Variants in MARK1 observed in about 807,000 individuals in gnomAD.
MARK1 encodes the protein serine/threonine-protein kinase MARK1.
Under a neutral mutation model 96.3 loss-of-function variants are expected in MARK1, and 40 were observed. The ratio of observed to expected loss-of-function variants is 0.42; its 90% CI spans 0.32 to 0.54. The LOEUF (loss-of-function observed/expected upper bound fraction) is 0.54. MARK1 is among the 20% of genes least tolerant of loss of function. The pLI is 0.16. For missense variants in MARK1, 719 were observed against 984.6 expected (o/e 0.73, Z 3.61); for synonymous variants, 317 against 341.2 (o/e 0.93, Z 0.78).
chr1:220,579,306 TTATAA>T, intron 1 of MARK1, 43 bp from the exon 2 acceptor site: 1 of 1,297,012 alleles, frequency 7.7e-7, no homozygotes, highest in South Asian at 1.3e-5. Context: ...ACTTGTCCTT[TTATAA>T]TATAATTTAA....
intron 4 of MARK1, among the ~76,000 whole-genome samples, chr1:220,599,276 A>C (rs1272300769): frequency 6.6e-6 from 1 of 152,060 alleles, no homozygotes; most frequent in South Asian, 2.1e-4. Flanking sequence ...TTTTTTTTGC[A>C]CATTTAAAAA....
At chr1:220,630,578 T>G (rs976385678) in intron 9 of MARK1, among the ~76,000 whole-genome samples, 3 of 152,148 alleles carry the variant, frequency 2.0e-5, no homozygotes, top group Non-Finnish European at 4.4e-5. Context: ...ATTGATAGCT[T>G]TACTGCCAAC....
chr1:220,606,254 T>C (rs1331760572), intron 6 of MARK1, among the ~76,000 whole-genome samples: 1 of 152,226 alleles, frequency 6.6e-6, no homozygotes, highest in Non-Finnish European at 1.5e-5. Context: ...TGGTTTTGAT[T>C]TGCATTTCTC....
intron 1 of MARK1, among the ~76,000 whole-genome samples, chr1:220,554,129 T>C (rs562195439): frequency 2.6e-5 from 4 of 152,290 alleles, no homozygotes; most frequent in African/African-American, 7.2e-5. Context: ...CTCCTGGGAA[T>C]TTCACTGAGG....
At chr1:220,594,023 G>A (rs1480548197) in intron 3 of MARK1, among the ~76,000 whole-genome samples, 1 of 152,190 alleles carries the variant, frequency 6.6e-6, no homozygotes, top group African/African-American at 2.4e-5. Flanking sequence ...CTCTGCCCAG[G>A]ACCTCCAGGA....
intron 11 of MARK1, among the ~76,000 whole-genome samples, chr1:220,633,582 G>C (rs904324390): frequency 6.6e-6 from 1 of 152,178 alleles, no homozygotes; most frequent in African/African-American, 2.4e-5. Flanking sequence ...GTATGGTACA[G>C]TATGTGTTCT....
chr1:220,534,005 T>C (rs1660509285), intron 1 of MARK1, among the ~76,000 whole-genome samples: 1 of 152,134 alleles, frequency 6.6e-6, no homozygotes, highest in Non-Finnish European at 1.5e-5. Flanking sequence ...AACCTATCTG[T>C]TGAATTTTTT....
chr1:220,612,007 A>G (rs1666473349), intron 6 of MARK1, among the ~76,000 whole-genome samples: 1 of 152,212 alleles, frequency 6.6e-6, no homozygotes, highest in Non-Finnish European at 1.5e-5. Context: ...TGCTGGGATT[A>G]TAGGCGTGAG....
intron 6 of MARK1, among the ~76,000 whole-genome samples, chr1:220,611,651 G>A (rs1666451221): frequency 6.6e-6 from 1 of 152,174 alleles, no homozygotes; most frequent in African/African-American, 2.4e-5. Context: ...GATCATGCTG[G>A]GAGCTGCAGA....
At chr1:220,573,550 C>T (rs1663620821) in intron 1 of MARK1, among the ~76,000 whole-genome samples, 1 of 152,088 alleles carries the variant, frequency 6.6e-6, no homozygotes, top group South Asian at 2.1e-4. Flanking sequence ...GTCTCGATCT[C>T]CTGACCTCGT....
intron 1 of MARK1, 58 bp from the exon 2 acceptor site, chr1:220,579,296 A>T: frequency 8.6e-7 from 1 of 1,161,804 alleles, no homozygotes; most frequent in Non-Finnish European, 1.3e-6. Flanking sequence ...TACTCTTTTT[A>T]CTTGTCCTTT....
At chr1:220,608,541 T>A (rs1443999227) in intron 6 of MARK1, among the ~76,000 whole-genome samples, 1 of 152,218 alleles carries the variant, frequency 6.6e-6, no homozygotes, top group Non-Finnish European at 1.5e-5. Context: ...AGGGTTTTTT[T>A]ATGTCTCAAT....
rs1665618818 is a variant in MARK1, at chr1:220,599,830, ACT to A, written c.396_397del (p.Tyr133PhefsTer10). On this transcript the variant is annotated frameshift_variant, in exon 5 of 18. Transcript: ENST00000366917. LOFTEE classifies it high-confidence loss of function. ...KLFEVIETEK[T>X]LYLVMEYASG... The stretch of plus-strand genomic sequence containing the variant: ...GTTTGAAGTTATTGAAACAGAGAAG[ACT>A]CTCTATTTAGTCATGGAATACGCGA... 8 of 1,609,112 alleles carry A rather than the reference ACT, an allele frequency of 5.0e-6. No homozygotes were observed. The highest frequency in any genetic ancestry group is 6.8e-6 in the Non-Finnish European group (8 of 1,177,112).
At chr1:220,528,902 A>C in intron 1 of MARK1, 29 bp downstream of exon 1, 1 of 1,544,350 alleles carries the variant, frequency 6.5e-7, no homozygotes, top group Non-Finnish European at 8.7e-7. Context: ...CCTCGGGAGC[A>C]GTGGGGGCGA....
At chr1:220,592,220 A>ATAT (rs1553324933) in intron 3 of MARK1, among the ~76,000 whole-genome samples, 9 of 18,518 alleles carry the variant, frequency 4.9e-4, no homozygotes, top group African/African-American at 2.2e-3. Context: ...TGATTATATC[A>ATAT]TATTATATTA....
At chr1:220,626,490 C>T in intron 9 of MARK1, 3 of 533,312 alleles carry the variant, frequency 5.6e-6, no homozygotes, top group South Asian at 4.2e-5. Context: ...GCTCAGACTC[C>T]TTATCTGGGG....
Position 220,635,968 on chromosome 1 carries a change from A to G in MARK1, c.1412A>G (p.Glu471Gly). Reference sequence around the variant, plus strand: ...AGCACAACAGTTGGATCAAAAAGCGAGATGACTGCAAGCCCTCTTGTAGGG... The same window carrying G: ...AGCACAACAGTTGGATCAAAAAGCGGGATGACTGCAAGCCCTCTTGTAGGG... The part of the protein sequence containing the change: ...LGSTTVGSKS[E>G]MTASPLVGPE... Residue 471 changes from glutamate to glycine, a missense_variant, in exon 13 of 18, where the codon GAG becomes GGG. Physicochemically the swap from Glu to Gly is moderately conservative, Grantham distance 98. Coordinates refer to ENST00000366917, the MANE Select transcript of MARK1 (RefSeq NM_018650.5). 1 of 1,614,106 alleles carries G rather than the reference A, an allele frequency of 6.2e-7. No individual in the cohort carries two copies. The highest frequency in any genetic ancestry group is 8.5e-7 in the Non-Finnish European group (1 of 1,180,008).
Position 220,653,180 on chromosome 1 carries a change from C to A in MARK1, c.1816C>A (p.Arg606=), listed in dbSNP as rs748781508. ...GACTCCAGACCGGACCCGTTTTCCC[C>A]GAGGGAGCTCAAGCCGAAGCACTTT... ...TATPDRTRFP[R]GSSSRSTFHG... is the part of the protein sequence containing the mutation. Residue 606 remains arginine (R), a synonymous_variant, in exon 16 of 18, where the codon CGA becomes AGA. Coordinates refer to ENST00000366917, the MANE Select transcript of MARK1 (RefSeq NM_018650.5). The A allele has an allele frequency of 6.2e-7, 1 of 1,614,200 alleles. No homozygotes were observed. The highest frequency in any genetic ancestry group is 1.7e-5 in the Admixed American group (1 of 60,014).
rs1553323003 is a variant in MARK1, at chr1:220,586,013, G to GCGCGCGCGCGCA, written c.309+4901_309+4902insCGCGCACGCGCG. 4.0e-4 allele frequency among the ~76,000 whole-genome samples: 21 copies of GCGCGCGCGCGCA among 53,060 alleles called. No homozygotes were observed. The South Asian group carries it at 7.5e-3, about 19-fold the overall frequency. 34.8% of individuals were successfully genotyped at this position (53,060 alleles called of 152,430 possible). On this transcript the variant is annotated intron_variant, in intron 3 of 17. Transcript: ENST00000366917. ...CACACACACACACACACACACACAC[G>GCGCGCGCGCGCA]CGCGCGTGCGCAGAGAGAGAGAGTT...
Sources: gnomAD v4.1 joint callset for allele counts (sites outside exome capture counted in the v4.1 genomes callset) on GRCh38, gnomAD v4.1.1 for gene constraint, MANE v1.5 for transcripts, NCBI Gene and HGNC (gene_info 2026-07-23, HGNC 2026-07-21) for gene names.